The following EPHB1 variants were observed in gnomAD, a reference collection of about 807,000 sequenced individuals.
EPHB1 encodes the protein ephrin type-B receptor 1.
A neutral mutation model predicts 94.4 loss-of-function variants in EPHB1; 30 were observed. That is an observed-to-expected ratio of 0.32 (90% CI 0.24 to 0.43). The LOEUF is 0.43. Ranked by LOEUF, EPHB1 falls within the 20% of genes least tolerant of loss-of-function variation. The probability of loss-of-function intolerance (pLI) is 1.00; values close to 1 mark genes in which losing one functional copy is unlikely to be tolerated. For synonymous variants in EPHB1, 522 were observed against 489.1 expected (o/e 1.07, Z -0.89); for missense variants, 1,055 against 1,308.3 (o/e 0.81, Z 2.99).
At chr3:135,047,834 A>C (rs1937046771) in intron 3 of EPHB1, among the ~76,000 whole-genome samples, 1 of 151,746 alleles carries the variant, frequency 6.6e-6, no homozygotes, top group African/African-American at 2.4e-5. Context: ...TCAAAACTGG[A>C]GAGTATATTG....
At chr3:135,005,062 G>A (rs1032554309) in intron 3 of EPHB1, among the ~76,000 whole-genome samples, 12 of 152,178 alleles carry the variant, frequency 7.9e-5, no homozygotes, top group Non-Finnish European at 1.8e-4. Flanking sequence ...CATTTTTTCT[G>A]TTCTGTTTTT....
rs918211399 is a variant in EPHB1 at position 134,926,162 on chromosome 3, A to G, written c.123+282A>G. ...GTGTGGGGATGGGGGCACGCAGGCT[A>G]GTGGCACTGAGGCAGATCAGAGATC... On this transcript the variant is annotated intron_variant, in intron 2 of 15. Coordinates refer to ENST00000398015, the MANE Select transcript of EPHB1 (RefSeq NM_004441.5). Among the ~76,000 whole-genome samples, 19 of 152,312 alleles carry G rather than the reference A, an allele frequency of 1.2e-4. 1 individual carries two copies. Among genetic ancestry groups the G allele is most frequent in the African/African-American group, 4.1e-4 (17 of 41,584 alleles).
At chr3:135,051,223 T>C (rs1937159604) in intron 3 of EPHB1, among the ~76,000 whole-genome samples, 1 of 152,172 alleles carries the variant, frequency 6.6e-6, no homozygotes, top group Non-Finnish European at 1.5e-5. Context: ...TATCCCTTAC[T>C]TTCTGGGGCT....
chr3:135,142,120 T>C (rs1940850578), intron 5 of EPHB1, among the ~76,000 whole-genome samples: 1 of 152,198 alleles, frequency 6.6e-6, no homozygotes, highest in South Asian at 2.1e-4. Flanking sequence ...TATTCAGGCT[T>C]CTATTTTCTC....
At chr3:135,067,621 C>G (rs1937598580) in intron 3 of EPHB1, 1 of 152,258 alleles carries the variant, frequency 6.6e-6, no homozygotes, top group African/African-American at 2.4e-5. Context: ...ACCTGCCTCC[C>G]AGCTGAAAAG....
chr3:135,151,308 G>A (rs949739391), intron 5 of EPHB1, among the ~76,000 whole-genome samples: 1 of 152,154 alleles, frequency 6.6e-6, no homozygotes, highest in Admixed American at 6.5e-5. Context: ...TGCCCCCTGT[G>A]GACTCCTCTC....
intron 5 of EPHB1, among the ~76,000 whole-genome samples, chr3:135,144,811 A>G (rs538480844): frequency 1.2e-4 from 19 of 152,324 alleles, no homozygotes; most frequent in Non-Finnish European, 2.2e-4. Flanking sequence ...CCAGGATTCT[A>G]CAACAGCACA....
In EPHB1 at chr3:135,258,170, C is replaced by T. The variant is rs371040678; in HGVS notation, c.2847-842C>T. 6.5e-3 allele frequency among the ~76,000 whole-genome samples: 988 copies of T among 152,316 alleles called. 11 individuals carry two copies. Among genetic ancestry groups the T allele is most frequent in the African/African-American group, 0.022 (931 of 41,560 alleles). ...AAATGCAGAAATCACCCGTCTTCTG[C>T]GTCGCTCACGCTGGGAGCTGTAGAC... On this transcript the variant is annotated intron_variant, in intron 15 of 15. Transcript: ENST00000398015.
Position 135,144,225 on chromosome 3 carries a change from T to C in EPHB1, c.1298-9927T>C, listed in dbSNP as rs184892093. ...CTCTGGGGACTTGGGGAAGTCATTTTCCCCTCTCTTATCTTCATTGCTCTA... is the reference window on the plus strand; with the variant it reads ...CTCTGGGGACTTGGGGAAGTCATTTCCCCCTCTCTTATCTTCATTGCTCTA... On this transcript the variant is annotated intron_variant, in intron 5 of 15. Transcript: ENST00000398015. Among the ~76,000 whole-genome samples, 980 of 152,316 alleles carry C rather than the reference T, an allele frequency of 6.4e-3. 5 individuals are homozygous for C. The highest frequency in any genetic ancestry group is 0.011 in the Non-Finnish European group (779 of 68,024).
chr3:134,987,871 A>G (rs765386069), intron 3 of EPHB1, among the ~76,000 whole-genome samples: 3 of 152,200 alleles, frequency 2.0e-5, no homozygotes, highest in Non-Finnish European at 2.9e-5. Flanking sequence ...AGCCCTGCTG[A>G]TACCTTGATC....
At chr3:135,071,631 G>A (rs1424001492) in intron 3 of EPHB1, among the ~76,000 whole-genome samples, 1 of 152,056 alleles carries the variant, frequency 6.6e-6, no homozygotes, top group Non-Finnish European at 1.5e-5. Flanking sequence ...TGAAGTTCTG[G>A]GGGACCTCCC....
At chr3:135,097,576 G>A (rs1336812690) in intron 3 of EPHB1, among the ~76,000 whole-genome samples, 4 of 152,136 alleles carry the variant, frequency 2.6e-5, no homozygotes, top group Non-Finnish European at 4.4e-5. Context: ...CTTCCATGCG[G>A]ATGCATTCTA....
At chr3:135,048,224 C>CTTTTTTTTTT (rs71157318) in intron 3 of EPHB1, among the ~76,000 whole-genome samples, 1 of 109,016 alleles carries the variant, frequency 9.2e-6, no homozygotes, top group African/African-American at 3.5e-5. Context: ...AAAAAATACT[C>CTTTTTTTTTT]TTTTTTTTTT....
chr3:134,829,816 G>A (rs1189050416), intron 1 of EPHB1, among the ~76,000 whole-genome samples: 6 of 152,142 alleles, frequency 3.9e-5, no homozygotes, highest in Non-Finnish European at 5.9e-5. Flanking sequence ...AAATTTGGAC[G>A]CAGACATGCA....
At chr3:134,968,934 C>A (rs1475886729) in intron 3 of EPHB1, among the ~76,000 whole-genome samples, 1 of 152,256 alleles carries the variant, frequency 6.6e-6, no homozygotes, top group East Asian at 1.9e-4. Flanking sequence ...TATGGATGTA[C>A]CATAATTTGT....
At chr3:135,249,056 G>A (rs1932943438) in intron 14 of EPHB1, among the ~76,000 whole-genome samples, 1 of 152,192 alleles carries the variant, frequency 6.6e-6, no homozygotes, top group African/African-American at 2.4e-5. Flanking sequence ...CAAAGGAGTT[G>A]GGAGCCTTCC....
rs190909064 is a variant in EPHB1 at position 134,898,713 on chromosome 3, G to A, written c.59-27103G>A. 1.4e-4 allele frequency among the ~76,000 whole-genome samples: 22 copies of A among 152,324 alleles called. 1 individual carries two copies. Among genetic ancestry groups the A allele is most frequent in the Admixed American group, 1.4e-3 (22 of 15,310 alleles). On this transcript the variant is annotated intron_variant, in intron 1 of 15. Coordinates refer to ENST00000398015, the MANE Select transcript of EPHB1 (RefSeq NM_004441.5). Reference sequence around the variant, plus strand: ...ACAACTGCTGCTCAGGAGTGGGAATGTCTGCCCTGTCACGTGTGTCATTTC... The same window carrying A: ...ACAACTGCTGCTCAGGAGTGGGAATATCTGCCCTGTCACGTGTGTCATTTC...
chr3:134,807,267 G>A (rs976897514), intron 1 of EPHB1, among the ~76,000 whole-genome samples: 4 of 152,188 alleles, frequency 2.6e-5, no homozygotes, highest in Non-Finnish European at 4.4e-5. Flanking sequence ...ATCTACATGA[G>A]AAGCACTGTA....
At chr3:135,130,011 A>G (rs13076510) in intron 4 of EPHB1, among the ~76,000 whole-genome samples, 31,630 of 152,162 alleles carry the variant, frequency 0.21, 3,867 homozygotes, top group East Asian at 0.56. Flanking sequence ...GAGGGCAACC[A>G]TTTTGGATAG....
Sources: allele counts gnomAD v4.1 joint callset (sites outside exome capture counted in the v4.1 genomes callset), GRCh38; gene constraint gnomAD v4.1.1; transcripts MANE v1.5; gene names NCBI Gene and HGNC (gene_info 2026-07-23, HGNC 2026-07-21).